The following COL2A1 variants were observed in gnomAD, a reference collection of about 807,000 sequenced individuals.
The protein encoded by COL2A1 is collagen type II alpha 1 chain.
A neutral mutation model predicts 204.5 loss-of-function variants in COL2A1; 28 were observed. That is an observed-to-expected ratio of 0.14 (90% CI 0.10 to 0.19). The LOEUF is 0.19. Among genes scored for constraint, COL2A1 ranks in the 10% least tolerant of loss-of-function variants. COL2A1 has a pLI of 1.00. For missense variants in COL2A1, 1,388 were observed against 2,027.5 expected, an observed-to-expected ratio of 0.68 and a Z score of 6.06; for synonymous variants, 708 against 718.7, an observed-to-expected ratio of 0.99 and a Z score of 0.24.
At chr12:47,999,634 A>ATTTTT (rs10708850) in intron 2 of COL2A1, 3,999 of 156,140 alleles carry the variant, frequency 0.026, 522 homozygotes, top group East Asian at 0.096. Flanking sequence ...TTCAGAGAGG[A>ATTTTT]TTTTTTTTTT....
Position 47,976,950 on chromosome 12 carries a change from G to T in COL2A1, c.3328-31C>A. The stretch of plus-strand genomic sequence containing the variant: ...AACAAGACAGACACCGATTGAGTCA[G>T]GTCAGGGCCAGGACAGGAGCCCCCT... On this transcript the variant is annotated intron_variant, in intron 47 of 53. Transcript: ENST00000380518. This position sits in a 1 kb window ranked among gnomAD's most constrained non-coding sequence, Gnocchi z 4.3. 6.4e-7 allele frequency: 1 copy of T among 1,571,984 alleles called. No homozygotes were observed. Among genetic ancestry groups the T allele is most frequent in the Non-Finnish European group, 8.7e-7 (1 of 1,153,658 alleles).
At position 47,977,344 on chromosome 12, in the gene COL2A1, G is replaced by A. The variant is rs1324027285; in HGVS notation, c.3249C>T (p.Gly1083=). ...PGSPGPAGPT[G]KQGDRGEAGA... ...CAGCTTCTCCTCTGTCTCCTTGCTT[G>A]CCAGTTGGACCAGCGGGGCCAGGGG... The change falls in exon 46 of 54, where the codon GGC becomes GGT. Residue 1083 remains glycine, a synonymous_variant. Coordinates refer to ENST00000380518, the MANE Select transcript of COL2A1 (RefSeq NM_001844.5). The A allele has an allele frequency of 6.2e-7, 1 of 1,613,338 alleles. No individual in the cohort carries two copies. Among genetic ancestry groups the A allele is most frequent in the African/African-American group, 1.3e-5 (1 of 74,908 alleles).
intron 2 of COL2A1, 154 bp downstream of exon 2, chr12:47,999,765 A>G (rs1346483270): frequency 1.5e-6 from 1 of 665,376 alleles, no homozygotes; most frequent in Admixed American, 2.3e-5. Context: ...TCAACCTGCA[A>G]GTGAGAAGTG....
At chr12:47,988,096 C>G (rs949377608) in intron 18 of COL2A1, among the ~76,000 whole-genome samples, 2 of 152,242 alleles carry the variant, frequency 1.3e-5, no homozygotes, top group African/African-American at 4.8e-5. Context: ...CTCTCTCCCC[C>G]ACCTCCTGTT....
Position 48,004,308 on chromosome 12 carries a change from C to G in COL2A1, c.14G>C (p.Gly5Ala), listed in dbSNP as rs557340983. The change falls in exon 1 of 54, where the codon GGG becomes GCG. Residue 5 changes from glycine (G) to alanine (A), a missense_variant. Around this residue, in one of 3 missense-constraint regions of COL2A1, gnomAD observed 201 missense variants for 242.4 expected, o/e 0.83. Coordinates refer to ENST00000380518, the MANE Select transcript of COL2A1 (RefSeq NM_001844.5). Reference sequence around the variant, plus strand: ...CAGCAGCACCAGCGTCTGGGGAGCCCCGAGGCGAATCATGGCTCACCGCGG... The same window carrying G: ...CAGCAGCACCAGCGTCTGGGGAGCCGCGAGGCGAATCATGGCTCACCGCGG... MIRLGAPQTLVLLTL... is the reference protein window; with the variant it reads MIRLAAPQTLVLLTL... The G allele has an allele frequency of 1.9e-6, 3 of 1,548,842 alleles. No individual in the cohort carries two copies. The Admixed American group carries it at 5.9e-5, about 30-fold the overall frequency.
Position 47,974,752 on chromosome 12 carries a change from T to G in COL2A1, c.3997A>C (p.Lys1333Gln). 9 of 1,614,218 alleles carry G rather than the reference T, an allele frequency of 5.6e-6. No homozygotes were observed. Among genetic ancestry groups the G allele is most frequent in the Non-Finnish European group, 7.6e-6 (9 of 1,180,038 alleles). Reference protein sequence around the residue: ...CVYPNPANVPKKNWWSSKSKE... With the variant: ...CVYPNPANVPQKNWWSSKSKE... ...CTCTTGCTGCTCCACCAGTTCTTCT[T>G]GGGAACGTTTGCTGGATTGGGGTAG... is the stretch of plus-strand genomic sequence containing the variant. Residue 1333 changes from lysine (K) to glutamine (Q), a missense_variant, in exon 52 of 54, where the codon AAG becomes CAG. Transcript: ENST00000380518.
chr12:47,981,575 G>C (rs1008225913), intron 36 of COL2A1, among the ~76,000 whole-genome samples, 179 bp from the exon 37 acceptor site: 1 of 152,248 alleles, frequency 6.6e-6, no homozygotes, highest in East Asian at 1.9e-4. Flanking sequence ...CTGAATGTGT[G>C]TTTACCCCAG....
intron 16 of COL2A1, 121 bp from the exon 17 acceptor site, chr12:47,989,926 C>T (rs1939625623): frequency 1.1e-6 from 1 of 906,624 alleles, no homozygotes; most frequent in Non-Finnish European, 1.8e-6. Context: ...GGGCAGAGCA[C>T]GAGGATGGCG....
Position 47,999,851 on chromosome 12 carries a change from A to G in COL2A1, c.292+68T>C, listed in dbSNP as rs1000553710. 6.5e-6 allele frequency: 9 copies of G among 1,378,726 alleles called. No individual in the cohort carries two copies. The East Asian group carries it at 9.2e-5, about 14-fold the overall frequency. The allele number at this position is 1,378,726 out of a possible 1,614,324, so 85.4% of individuals were successfully genotyped here. A position where few individuals can be genotyped will look rare whatever the true frequency, so the allele number is the denominator to read the frequency against. On this transcript the variant is annotated intron_variant, in intron 2 of 53. Coordinates refer to ENST00000380518, the MANE Select transcript of COL2A1 (RefSeq NM_001844.5). Reference sequence around the variant, plus strand: ...TGCTTTGCAGAGACGACCAGCATCTATGGGAGCGTGTTTGCAGTGCTTGCA... The same window carrying G: ...TGCTTTGCAGAGACGACCAGCATCTGTGGGAGCGTGTTTGCAGTGCTTGCA...
chr12:47,988,365 A>G (rs1939539516), intron 18 of COL2A1: 1 of 154,932 alleles, frequency 6.5e-6, no homozygotes, highest in Admixed American at 6.3e-5. Flanking sequence ...TTTTACTTTC[A>G]TTTTTTCCTG....
Position 47,978,487 on chromosome 12 carries a change from C to A in COL2A1, c.2896-89G>T. 2 of 1,574,710 alleles carry A rather than the reference C, an allele frequency of 1.3e-6. No individual in the cohort carries two copies. The highest frequency in any genetic ancestry group is 1.7e-6 in the Non-Finnish European group (2 of 1,154,752). ...CAGCTCTGTCTGTGCAGCCCCGCTC[C>A]CTGGCATCCCCACGGCCCCTGCTCC... On this transcript the variant is annotated intron_variant, in intron 42 of 53. Transcript: ENST00000380518. This position sits in a 1 kb window ranked among gnomAD's most constrained non-coding sequence, Gnocchi z 5.5.
chr12:47,994,103 G>T, intron 12 of COL2A1, 56 bp from the exon 13 acceptor site: 3 of 1,599,146 alleles, frequency 1.9e-6, no homozygotes, highest in Non-Finnish European at 2.6e-6. Flanking sequence ...GTGGAAAGCT[G>T]CCCTGGGCTG....
At chr12:47,997,984 T>G (rs1476841347) in intron 5 of COL2A1, 48 bp downstream of exon 5, 2 of 1,614,054 alleles carry the variant, frequency 1.2e-6, no homozygotes, top group Admixed American at 3.3e-5. Flanking sequence ...ATCAGTAACT[T>G]GCGCGCAGCG....
chr12:47,983,930 C>T, intron 29 of COL2A1, 157 bp downstream of exon 29: 1 of 923,132 alleles, frequency 1.1e-6, no homozygotes, highest in Non-Finnish European at 1.7e-6. Flanking sequence ...GTCCACACAG[C>T]CTCCTGGGAC....
chr12:47,993,609 C>T, intron 14 of COL2A1, 107 bp from the exon 15 acceptor site: 2 of 1,158,778 alleles, frequency 1.7e-6, no homozygotes, highest in Non-Finnish European at 2.6e-6. Flanking sequence ...CGCACTGACA[C>T]AAACTTCAGT....
In COL2A1 at chr12:47,978,253, G is replaced by A. The variant is rs745906217; in HGVS notation, c.3003+38C>T. On this transcript the variant is annotated intron_variant, in intron 43 of 53. Transcript: ENST00000380518. The surrounding 1 kb of genome is among the most constrained non-coding windows in gnomAD (Gnocchi z 5.5). ...GGAGGTAGAAGCCTTGGCAGGCAGGGCCCAGCTTGGATGGAGGGAGGGATA... is the reference window on the plus strand; with the variant it reads ...GGAGGTAGAAGCCTTGGCAGGCAGGACCCAGCTTGGATGGAGGGAGGGATA... 3.7e-6 allele frequency: 6 copies of A among 1,608,872 alleles called. No homozygotes were observed. The South Asian group carries it at 4.4e-5, about 12-fold the overall frequency.
chr12:47,992,747 TG>T, intron 16 of COL2A1, 130 bp downstream of exon 16: 5 of 939,926 alleles, frequency 5.3e-6, no homozygotes, highest in Non-Finnish European at 3.4e-6. Context: ...ATGGGCACAC[TG>T]GGGGTGAATT....
At chr12:48,004,496 G>A, upstream of COL2A1, 1 of 543,580 alleles carries the variant, frequency 1.8e-6, no homozygotes, top group South Asian at 2.3e-5. Flanking sequence ...CCGCCGCGGC[G>A]CCCGTTATAT....
At position 47,996,571 on chromosome 12, in the gene COL2A1, A is replaced by G. The variant is rs771124098; in HGVS notation, c.586T>C (p.Leu196=). 2 of 1,614,152 alleles carry G rather than the reference A, an allele frequency of 1.2e-6. No individual in the cohort carries two copies. The highest frequency in any genetic ancestry group is 2.2e-5 in the East Asian group (1 of 44,880). Residue 196 remains leucine (L), a synonymous_variant, in exon 8 of 54, where the codon TTG becomes CTG. Transcript: ENST00000380518. ...ACCATTGGTCCTTGCATTACTCCCA[A>G]CTGGGCGCCACCAGCCTTTTCATCA... The part of the protein sequence containing the change: ...GFDEKAGGAQ[L]GVMQGPMGPM...
Sources: gnomAD v4.1 joint callset for allele counts (sites outside exome capture counted in the v4.1 genomes callset) on GRCh38, gnomAD v4.1.1 for gene constraint, gnomAD v4.1.1 regional missense constraint, Gnocchi (gnomAD v3.1) non-coding constraint, MANE v1.5 for transcripts, NCBI Gene and HGNC (gene_info 2026-07-23, HGNC 2026-07-21) for gene names.